Variants in BICD1 observed in about 807,000 individuals in gnomAD.
The protein encoded by BICD1 is protein bicaudal D homolog 1.
Under a neutral mutation model 92.5 loss-of-function variants are expected in BICD1, and 35 were observed. The observed-to-expected ratio is 0.38, with a 90% CI of 0.29 to 0.50. BICD1 has a LOEUF of 0.50. BICD1 is among the 20% of genes least tolerant of loss of function. The pLI is 0.93. For synonymous variants in BICD1, 429 were observed against 465.1 expected (o/e 0.92, Z 1.00); for missense variants, 950 against 1,189.8 (o/e 0.80, Z 2.97).
chr12:32,282,202 CTTTTT>C (rs56217529), intron 2 of BICD1, among the ~76,000 whole-genome samples: 10 of 94,250 alleles, frequency 1.1e-4, no homozygotes, highest in African/African-American at 4.0e-4. Flanking sequence ...AGGTCTTCTT[CTTTTT>C]TTTTTTTTTT....
chr12:32,134,989 T>C (rs1942676043), intron 1 of BICD1, among the ~76,000 whole-genome samples: 1 of 151,712 alleles, frequency 6.6e-6, no homozygotes, highest in South Asian at 2.1e-4. Context: ...CCCACATTTC[T>C]GTGTGGCATC....
chr12:32,113,521 G>A (rs1941775360), intron 1 of BICD1, among the ~76,000 whole-genome samples: 8 of 151,546 alleles, frequency 5.3e-5, no homozygotes, highest in Admixed American at 5.3e-4. Context: ...AAGGAGCTGG[G>A]AATACAGACC....
chr12:32,374,671 G>T (rs1220107428), intron 9 of BICD1, among the ~76,000 whole-genome samples: 1 of 142,198 alleles, frequency 7.0e-6, no homozygotes. Context: ...GGGTTCAAGC[G>T]ATTCTCCTGC....
intron 4 of BICD1, among the ~76,000 whole-genome samples, chr12:32,311,432 G>A (rs1429647152): frequency 6.6e-6 from 1 of 152,198 alleles, no homozygotes; most frequent in African/African-American, 2.4e-5. Context: ...CCAGGAGGCG[G>A]AGGTTGCAGT....
chr12:32,213,613 C>T (rs1945277959), intron 1 of BICD1, among the ~76,000 whole-genome samples: 1 of 152,172 alleles, frequency 6.6e-6, no homozygotes. Context: ...CCAGGCTGGT[C>T]TTGAACTCCT....
At chr12:32,220,991 AG>A (rs1945501543) in intron 2 of BICD1, among the ~76,000 whole-genome samples, 2 of 149,928 alleles carry the variant, frequency 1.3e-5, no homozygotes, top group South Asian at 4.3e-4. Flanking sequence ...AACTATTGCA[AG>A]AACAAAAAAC....
Position 32,382,310 on chromosome 12 carries a change from TAAGAAG to T in BICD1, c.*4691_*4696del, listed in dbSNP as rs10565801. 26,592 of 151,814 alleles carry T rather than the reference TAAGAAG, an allele frequency of 0.18. 2,804 individuals carry two copies. Among genetic ancestry groups the T allele is most frequent in the East Asian group, 0.29 (1,487 of 5,148 alleles). The allele number at this position is 151,814 out of a possible 1,614,324, so 9.4% of individuals were successfully genotyped here. A position where few individuals can be genotyped will look rare whatever the true frequency, so the allele number is the denominator to read the frequency against. On this transcript the variant is annotated 3_prime_UTR_variant, in exon 10 of 10. Coordinates refer to ENST00000652176, the MANE Select transcript of BICD1 (RefSeq NM_001714.4). The stretch of plus-strand genomic sequence containing the variant: ...TGAGAATTTTCCAGAATATTCTACT[TAAGAAG>T]AAGAAGAGCAATTAACTGCCTTTAG...
Position 32,313,240 on chromosome 12 carries a change from C to CATATTATGTTTTG in BICD1, c.1005+7121_1005+7133dup, listed in dbSNP as rs1269740039. Among the ~76,000 whole-genome samples, 15 of 151,992 alleles carry CATATTATGTTTTG rather than the reference C, an allele frequency of 9.9e-5. No homozygotes were observed. The highest frequency in any genetic ancestry group is 2.9e-4 in the African/African-American group (12 of 41,456). ...CTCATGGATGTGGAAGAAATATATT[C>CATATTATGTTTTG]ATATTATGTTTTGATCCACTCTATT... On this transcript the variant is annotated intron_variant, in intron 4 of 9. Transcript: ENST00000652176. This position sits in a 1 kb window ranked among gnomAD's most constrained non-coding sequence, Gnocchi z 4.2.
At chr12:32,329,229 G>A (rs375952229) in intron 5 of BICD1, among the ~76,000 whole-genome samples, 1 of 151,966 alleles carries the variant, frequency 6.6e-6, no homozygotes, top group African/African-American at 2.4e-5. Context: ...CTCAGCCTCC[G>A]AAGCAGCTGA....
At chr12:32,372,736 G>T (rs1333838668) in intron 9 of BICD1, among the ~76,000 whole-genome samples, 3 of 151,956 alleles carry the variant, frequency 2.0e-5, no homozygotes, top group African/African-American at 4.8e-5. Context: ...CAAGAATTAG[G>T]CATGGTGGCC....
At chr12:32,133,184 A>G (rs1285979434) in intron 1 of BICD1, among the ~76,000 whole-genome samples, 1 of 152,160 alleles carries the variant, frequency 6.6e-6, no homozygotes, top group Non-Finnish European at 1.5e-5. Flanking sequence ...TGTCTGAAAA[A>G]TAATTTTAAG....
intron 2 of BICD1, among the ~76,000 whole-genome samples, chr12:32,258,600 A>G (rs560390944): frequency 6.6e-6 from 1 of 152,142 alleles, no homozygotes; most frequent in East Asian, 1.9e-4. Context: ...TTTATCGTAT[A>G]CAAGACAACG....
chr12:32,222,717 G>A (rs191898512), intron 2 of BICD1, among the ~76,000 whole-genome samples: 1 of 152,270 alleles, frequency 6.6e-6, no homozygotes, highest in Admixed American at 6.5e-5. Context: ...TAAGAAGTCG[G>A]GCCCTTAGGA....
At chr12:32,308,508 T>C (rs1948291140) in intron 4 of BICD1, among the ~76,000 whole-genome samples, 1 of 152,234 alleles carries the variant, frequency 6.6e-6, no homozygotes, top group Non-Finnish European at 1.5e-5. Flanking sequence ...TGCTCATTAA[T>C]TATGAACTGT....
intron 1 of BICD1, among the ~76,000 whole-genome samples, chr12:32,197,138 A>G (rs1173411738): frequency 4.6e-5 from 7 of 151,784 alleles, no homozygotes; most frequent in Non-Finnish European, 8.8e-5. Context: ...CCTCCGGAGT[A>G]GCTGGGATTA....
chr12:32,321,750 G>A (rs1368128207), intron 4 of BICD1, among the ~76,000 whole-genome samples: 2 of 152,170 alleles, frequency 1.3e-5, no homozygotes, highest in Admixed American at 1.3e-4. Flanking sequence ...TGTAATCCCA[G>A]CACTTTTGGA....
intron 7 of BICD1, 41 bp from the exon 8 acceptor site, chr12:32,338,745 T>G: frequency 6.6e-7 from 1 of 1,513,744 alleles, no homozygotes; most frequent in Non-Finnish European, 8.9e-7. Context: ...AAGTAAAACT[T>G]TTTTGTTTCC....
At chr12:32,110,474 T>C (rs1307783347) in intron 1 of BICD1, among the ~76,000 whole-genome samples, 1 of 152,200 alleles carries the variant, frequency 6.6e-6, no homozygotes, top group Non-Finnish European at 1.5e-5. Flanking sequence ...TTTGGGCAGC[T>C]GGACAGAGCA....
chr12:32,170,722 G>A (rs1004183506), intron 1 of BICD1, among the ~76,000 whole-genome samples: 1 of 152,198 alleles, frequency 6.6e-6, no homozygotes, highest in Admixed American at 6.5e-5. Flanking sequence ...AGTTTGAAAT[G>A]ACATTAGAGA....
Sources: allele counts gnomAD v4.1 joint callset (sites outside exome capture counted in the v4.1 genomes callset), GRCh38; gene constraint gnomAD v4.1.1; non-coding constraint Gnocchi (gnomAD v3.1); transcripts MANE v1.5; gene names NCBI Gene and HGNC (gene_info 2026-07-23, HGNC 2026-07-21).